DLGAP4: variants seen among roughly 807,000 people sequenced by gnomAD.
DLGAP4 encodes DLG associated protein 4, also known as disks large-associated protein 4.
Under a neutral mutation model 86.9 loss-of-function variants are expected in DLGAP4, and 18 were observed. That is an observed-to-expected ratio of 0.21 (90% confidence interval 0.14 to 0.31). The LOEUF (loss-of-function observed/expected upper bound fraction) is 0.31, where lower values mean the gene tolerates loss of function less well. DLGAP4 is among the 10% of genes least tolerant of loss of function. The pLI is 1.00. For missense variants in DLGAP4, 1,085 were observed against 1,362.6 expected, an observed-to-expected ratio of 0.80 and a Z score of 3.21; for synonymous variants, 548 against 574.3, an observed-to-expected ratio of 0.95 and a Z score of 0.65.
chr20:36,312,414 C>G (rs2065061967), intron 1 of DLGAP4, among the ~76,000 whole-genome samples: 2 of 152,124 alleles, frequency 1.3e-5, no homozygotes, highest in South Asian at 4.1e-4. Context: ...GCAGCCGCCC[C>G]CCGGCTGCAG....
intron 7 of DLGAP4, among the ~76,000 whole-genome samples, chr20:36,458,990 CT>C (rs1484368149): frequency 6.6e-6 from 1 of 152,182 alleles, no homozygotes; most frequent in Admixed American, 6.5e-5. Context: ...GCCCTCACTC[CT>C]CTAACTGCCA....
chr20:36,365,900 G>A (rs1803723553), intron 1 of DLGAP4, among the ~76,000 whole-genome samples: 1 of 152,124 alleles, frequency 6.6e-6, no homozygotes, highest in Non-Finnish European at 1.5e-5. Context: ...TTCAAATCCC[G>A]ACCTACCACT....
chr20:36,476,451 C>T (rs2034931034), intron 7 of DLGAP4, among the ~76,000 whole-genome samples: 1 of 148,702 alleles, frequency 6.7e-6, no homozygotes, highest in African/African-American at 2.5e-5. Flanking sequence ...CCTCTGCCTC[C>T]CGAGTAGCTG....
At chr20:36,335,438 G>C (rs571533654) in intron 1 of DLGAP4, among the ~76,000 whole-genome samples, 1 of 152,246 alleles carries the variant, frequency 6.6e-6, no homozygotes, top group East Asian at 1.9e-4. Flanking sequence ...CTGAGTTCCT[G>C]CCTCCATAGG....
At chr20:36,403,541 C>T (rs534688732) in intron 2 of DLGAP4, among the ~76,000 whole-genome samples, 10 of 152,262 alleles carry the variant, frequency 6.6e-5, no homozygotes, top group African/African-American at 1.4e-4. Context: ...TCAAGGAGAC[C>T]GATAGTCTGA....
At chr20:36,314,972 ATGGTGTG>A (rs1406209253) in intron 1 of DLGAP4, among the ~76,000 whole-genome samples, 3 of 103,088 alleles carry the variant, frequency 2.9e-5, no homozygotes, top group Non-Finnish European at 5.8e-5. Flanking sequence ...TGTGTTATCT[ATGGTGTG>A]TGGTGTGTGT....
intron 7 of DLGAP4, chr20:36,462,254 C>G: frequency 8.0e-7 from 1 of 1,251,444 alleles, no homozygotes; most frequent in Non-Finnish European, 1.0e-6. Flanking sequence ...CTCTGCTTTC[C>G]CCTGGTTTGT....
At chr20:36,455,169 G>C (rs539729609) in intron 7 of DLGAP4, among the ~76,000 whole-genome samples, 1 of 151,630 alleles carries the variant, frequency 6.6e-6, no homozygotes, top group Non-Finnish European at 1.5e-5. Flanking sequence ...CTCTTACTCT[G>C]CCATCTCCCT....
At chr20:36,422,961 G>A (rs1362855847) in intron 2 of DLGAP4, among the ~76,000 whole-genome samples, 2 of 152,130 alleles carry the variant, frequency 1.3e-5, no homozygotes, top group African/African-American at 4.8e-5. Flanking sequence ...CTAAGGTGAG[G>A]ATCCTGCCAC....
chr20:36,432,363 G>T lies in DLGAP4; in HGVS notation c.646G>T (p.Gly216Cys). Residue 216 changes from glycine (G) to cysteine (C), a missense_variant, in exon 3 of 13, where the codon GGC becomes TGC. Transcript: ENST00000339266. The surrounding 1 kb of genome is among the most constrained non-coding windows in gnomAD (Gnocchi z 6.5). The stretch of plus-strand genomic sequence containing the variant: ...CGATGACAACTTGGACGGCGAGGCC[G>T]GCGCCTTCCGCAGCAGTGGCCCAGC... ...SSDDNLDGEA[G>C]AFRSSGPASG... is the part of the protein sequence containing the mutation. 6.2e-7 allele frequency: 1 copy of T among 1,613,470 alleles called. No individual in the cohort carries two copies. Among genetic ancestry groups the T allele is most frequent in the Admixed American group, 1.7e-5 (1 of 60,022 alleles).
At position 36,526,022 on chromosome 20, in the gene DLGAP4, T is replaced by C; in HGVS notation, c.2760+16T>C. The C allele has an allele frequency of 6.2e-7, 1 of 1,613,098 alleles. No individual in the cohort carries two copies. The highest frequency in any genetic ancestry group is 8.5e-7 in the Non-Finnish European group (1 of 1,179,904). On this transcript the variant is annotated intron_variant, in intron 12 of 12. Transcript: ENST00000339266. Reference sequence around the variant, plus strand: ...GAAGAGGAAGGTGAGCATGGAGCAGTGCGGAGGGGAAGTCCAGGGACAAAT... The same window carrying C: ...GAAGAGGAAGGTGAGCATGGAGCAGCGCGGAGGGGAAGTCCAGGGACAAAT...
At position 36,497,268 on chromosome 20, in the gene DLGAP4, G is replaced by T. The variant is rs117164452; in HGVS notation, c.2010+202G>T. 83 of 985,458 alleles carry T rather than the reference G, an allele frequency of 8.4e-5. No homozygotes were observed. The East Asian group carries it at 6.6e-3, about 78-fold the overall frequency. 61.0% of individuals were successfully genotyped at this position (985,458 alleles called of 1,614,324 possible). ...ATCTGTCCACACGTGCTGCTGGTCA[G>T]CAGCTGTGGGCATGTGTTTCTGCTC... On this transcript the variant is annotated intron_variant, in intron 8 of 12. Coordinates refer to ENST00000339266, the MANE Select transcript of DLGAP4 (RefSeq NM_001365621.2).
intron 5 of DLGAP4, among the ~76,000 whole-genome samples, chr20:36,441,070 G>A (rs560358692): frequency 8.6e-5 from 13 of 151,970 alleles, no homozygotes; most frequent in South Asian, 2.1e-4. Flanking sequence ...CTGAACAGCC[G>A]TCCTCCAATC....
At chr20:36,497,218 C>T (rs2035927508) in intron 8 of DLGAP4, 152 bp downstream of exon 8, 1 of 1,442,300 alleles carries the variant, frequency 6.9e-7, no homozygotes, top group Non-Finnish European at 9.1e-7. Flanking sequence ...AAACCGAATT[C>T]CACCCATAGC....
chr20:36,419,328 G>A (rs1203627699), intron 2 of DLGAP4, among the ~76,000 whole-genome samples: 4 of 151,466 alleles, frequency 2.6e-5, no homozygotes, highest in East Asian at 3.9e-4. Flanking sequence ...TGGGGTCCTC[G>A]TTATGTTGCC....
chr20:36,488,297 C>G (rs2035509585), intron 7 of DLGAP4, among the ~76,000 whole-genome samples: 1 of 152,000 alleles, frequency 6.6e-6, no homozygotes, highest in Admixed American at 6.6e-5. Flanking sequence ...CTCAGCACTG[C>G]CTAGCTGGGA....
rs139687149 is a variant in DLGAP4 at position 36,481,277 on chromosome 20, A to G, written c.1649-15428A>G. On this transcript the variant is annotated intron_variant, in intron 7 of 12. Coordinates refer to ENST00000339266, the MANE Select transcript of DLGAP4 (RefSeq NM_001365621.2). ...TAGTCAAAATTTACTTCCATTAACA[A>G]TCCCCACCTTCCTTTTCCCCTCTGA... Among the ~76,000 whole-genome samples, 23 of 152,146 alleles carry G rather than the reference A, an allele frequency of 1.5e-4. No homozygotes were observed. The East Asian group carries it at 4.4e-3, about 29-fold the overall frequency.
At position 36,504,200 on chromosome 20, in the gene DLGAP4, C is replaced by G. The variant is rs1467920082; in HGVS notation, c.2512+3589C>G. ...CCATCACAACCATCTATTTCCAAAA[C>G]TTTCATCTAAAACATAGAATCTACC... On this transcript the variant is annotated intron_variant, in intron 10 of 12. Transcript: ENST00000339266. 2.0e-5 allele frequency among the ~76,000 whole-genome samples: 3 copies of G among 152,134 alleles called. 1 individual carries two copies. The highest frequency in any genetic ancestry group is 7.2e-5 in the African/African-American group (3 of 41,428).
chr20:36,517,008 C>T (rs373506523), intron 10 of DLGAP4, among the ~76,000 whole-genome samples: 55 of 151,760 alleles, frequency 3.6e-4, no homozygotes, highest in African/African-American at 1.1e-3. Flanking sequence ...CCTCGTGATC[C>T]GCCCGCCTCG....
Sources: allele counts gnomAD v4.1 joint callset (sites outside exome capture counted in the v4.1 genomes callset), GRCh38; gene constraint gnomAD v4.1.1; non-coding constraint Gnocchi (gnomAD v3.1); transcripts MANE v1.5; gene names NCBI Gene and HGNC (gene_info 2026-07-23, HGNC 2026-07-21).